Variants in ZFHX3 observed in about 807,000 individuals in gnomAD.
ZFHX3 encodes zinc finger homeobox 3, also known as zinc finger homeobox protein 3.
A neutral mutation model predicts 279.1 loss-of-function variants in ZFHX3; 42 were observed. The observed-to-expected ratio is 0.15, with a 90% CI of 0.12 to 0.19. The LOEUF (loss-of-function observed/expected upper bound fraction) is 0.19. Among genes scored for constraint, ZFHX3 ranks in the 10% least tolerant of loss-of-function variants. The pLI is 1.00. For missense variants in ZFHX3, 4,981 were observed against 4,754.0 expected (o/e 1.05, Z -1.40); for synonymous variants, 2,293 against 1,957.8 (o/e 1.17, Z -4.52).
chr16:73,162,200 A>G (rs1381752424), intron 5 of ZFHX3, among the ~76,000 whole-genome samples: 1 of 152,204 alleles, frequency 6.6e-6, no homozygotes, highest in African/African-American at 2.4e-5. Context: ...CTGTATTTAC[A>G]GCTGTTCCCC....
chr16:73,580,471 C>A (rs750922276), intron 2 of ZFHX3, among the ~76,000 whole-genome samples: 21 of 148,034 alleles, frequency 1.4e-4, no homozygotes, highest in South Asian at 6.5e-4. Context: ...AGCGAGACTC[C>A]GTCTCAAAAA....
chr16:72,795,556 T>C lies in ZFHX3; in HGVS notation c.7126A>G (p.Thr2376Ala). 1 of 1,614,096 alleles carries C rather than the reference T, an allele frequency of 6.2e-7. No individual in the cohort carries two copies. The highest frequency in any genetic ancestry group is 8.5e-7 in the Non-Finnish European group (1 of 1,180,026). The change falls in exon 9 of 10, where the codon ACG (threonine) becomes GCG (alanine). Residue 2376 changes from threonine to alanine, a missense_variant. Physicochemically the swap from Thr to Ala is moderately conservative, Grantham distance 58 (BLOSUM62 0). This residue lies in a region of ZFHX3 where 744 missense variants were observed against 701.3 expected (regional missense o/e 1.06). Transcript: ENST00000268489. ...EDSMDAMEILTPTSSSCSTPM... is the reference protein window; with the variant it reads ...EDSMDAMEILAPTSSSCSTPM... ...GTACTGCAGGATGAGCTGGTAGGCG[T>C]CAGGATTTCCATGGCATCCATGGAA...
At chr16:72,811,218 G>T (rs1010489400) in intron 7 of ZFHX3, among the ~76,000 whole-genome samples, 1 of 152,172 alleles carries the variant, frequency 6.6e-6, no homozygotes, top group Non-Finnish European at 1.5e-5. Flanking sequence ...TTGTTATGAG[G>T]ATGAAATGAG....
chr16:72,953,329 T>G (rs1234543097), intron 2 of ZFHX3, among the ~76,000 whole-genome samples: 1 of 151,168 alleles, frequency 6.6e-6, no homozygotes, highest in African/African-American at 2.4e-5. Context: ...GCTCCATCCC[T>G]TAACGGGGAC....
At chr16:73,792,558 G>C (rs1050299900) in intron 1 of ZFHX3, among the ~76,000 whole-genome samples, 2 of 152,128 alleles carry the variant, frequency 1.3e-5, no homozygotes, top group African/African-American at 4.8e-5. Flanking sequence ...GTCCTAATAG[G>C]TTCCAGATGT....
At chr16:73,471,603 A>G (rs1312743569) in intron 2 of ZFHX3, among the ~76,000 whole-genome samples, 3 of 152,088 alleles carry the variant, frequency 2.0e-5, no homozygotes, top group African/African-American at 7.2e-5. Context: ...AACATCATTC[A>G]TCTTCAGTTT....
intron 1 of ZFHX3, among the ~76,000 whole-genome samples, chr16:73,872,244 T>G (rs1340169590): frequency 6.6e-6 from 1 of 151,308 alleles, no homozygotes; most frequent in Non-Finnish European, 1.5e-5. Context: ...AGGACATCCC[T>G]GTTTTTTTTT....
intron 7 of ZFHX3, among the ~76,000 whole-genome samples, chr16:73,122,609 G>A (rs1966513690): frequency 6.6e-6 from 1 of 152,152 alleles, no homozygotes; most frequent in Admixed American, 6.6e-5. Context: ...TGACCAACTT[G>A]GGGGGCCATC....
At chr16:73,730,279 G>GT (rs2053557579) in intron 1 of ZFHX3, among the ~76,000 whole-genome samples, 1 of 140,690 alleles carries the variant, frequency 7.1e-6, no homozygotes, top group East Asian at 2.2e-4. Context: ...CTCATCCATG[G>GT]TTTTTTTATG....
intron 3 of ZFHX3, among the ~76,000 whole-genome samples, chr16:73,325,928 A>ACAAAAACACACACAC (rs1567451240): frequency 0.076 from 11,118 of 145,492 alleles, 538 homozygotes; most frequent in East Asian, 0.19. Flanking sequence ...CACACACACA[A>ACAAAAACACACACAC]ACACACACAC....
intron 3 of ZFHX3, among the ~76,000 whole-genome samples, chr16:73,397,138 T>A (rs1431077450): frequency 3.3e-5 from 5 of 152,210 alleles, no homozygotes; most frequent in Non-Finnish European, 7.3e-5. Flanking sequence ...CTAATAGCAG[T>A]CTATGCACTC....
intron 2 of ZFHX3, among the ~76,000 whole-genome samples, chr16:73,565,638 C>A (rs2020440141): frequency 6.6e-6 from 1 of 152,154 alleles, no homozygotes; most frequent in Admixed American, 6.6e-5. Flanking sequence ...AATAAGGTCC[C>A]CTTAGGTTGT....
intron 1 of ZFHX3, among the ~76,000 whole-genome samples, chr16:73,773,366 C>G (rs1237120421): frequency 6.6e-6 from 1 of 152,170 alleles, no homozygotes; most frequent in Non-Finnish European, 1.5e-5. Flanking sequence ...GCTACATTTT[C>G]CATTATCATC....
intron 3 of ZFHX3, among the ~76,000 whole-genome samples, chr16:73,411,273 A>G (rs1244822311): frequency 6.6e-6 from 1 of 152,258 alleles, no homozygotes; most frequent in Admixed American, 6.5e-5. Context: ...AGTGGGATTT[A>G]AAGAGATTAG....
intron 3 of ZFHX3, chr16:73,421,141 C>A (rs1363557227): frequency 7.8e-6 from 1 of 128,978 alleles, no homozygotes; most frequent in African/African-American, 3.2e-5. Context: ...GATGATTGTT[C>A]AGCAAATGAA....
rs1021012710 is a variant in ZFHX3 at position 73,543,764 on chromosome 16, C to T, written c.-1546-87506G>A. Among the ~76,000 whole-genome samples, 18 of 151,244 alleles carry T rather than the reference C, an allele frequency of 1.2e-4. No homozygotes were observed. In the East Asian group the frequency reaches 3.1e-3, roughly 26 times the overall value. ...AGCTTCTCTATCAAGGAATGATGTA[C>T]TCAGACTGTGAATAAATGCGAGTGA... On this transcript the variant is annotated intron_variant, in intron 2 of 17. Transcript: ENST00000641206.
intron 1 of ZFHX3, among the ~76,000 whole-genome samples, chr16:72,975,996 G>A (rs1206953265): frequency 6.6e-6 from 1 of 152,160 alleles, no homozygotes; most frequent in Non-Finnish European, 1.5e-5. Flanking sequence ...TGAACACCCT[G>A]GTTAGGTCTG....
Position 73,817,341 on chromosome 16 carries a change from G to A in ZFHX3, c.-1608+74310C>T, listed in dbSNP as rs1003642447. ...GACTTATTCACCATATTCTGGAGAGGGCGAAAAGCAGCAGTTTGCTACTTC... is the reference window on the plus strand; with the variant it reads ...GACTTATTCACCATATTCTGGAGAGAGCGAAAAGCAGCAGTTTGCTACTTC... On this transcript the variant is annotated intron_variant, in intron 1 of 17. Coordinates refer to the ZFHX3 transcript ENST00000641206. Among the ~76,000 whole-genome samples the A allele has an allele frequency of 7.9e-5, 12 of 152,110 alleles. 1 individual carries two copies. The highest frequency in any genetic ancestry group is 4.6e-4 in the Admixed American group (7 of 15,270).
intron 1 of ZFHX3, among the ~76,000 whole-genome samples, chr16:73,785,894 G>A (rs2142309195): frequency 6.6e-6 from 1 of 151,546 alleles, no homozygotes; most frequent in Admixed American, 6.6e-5. Context: ...TTTTGAGATG[G>A]AGTTTCACTC....
Sources: gnomAD v4.1 joint callset for allele counts (sites outside exome capture counted in the v4.1 genomes callset) on GRCh38, gnomAD v4.1.1 for gene constraint, gnomAD v4.1.1 regional missense constraint, MANE v1.5 for transcripts, NCBI Gene and HGNC (gene_info 2026-07-23, HGNC 2026-07-21) for gene names.